GRIA4: variants seen among roughly 807,000 people sequenced by gnomAD.
GRIA4 encodes glutamate receptor 4.
Under a neutral mutation model 104.0 loss-of-function variants are expected in GRIA4, and 34 were observed. The ratio of observed to expected loss-of-function variants is 0.33; its 90% CI spans 0.25 to 0.44. The LOEUF is 0.44. GRIA4 is among the 20% of genes least tolerant of loss of function. The pLI is 1.00. For missense variants in GRIA4, 750 were observed against 1,096.5 expected (o/e 0.68, Z 4.46); for synonymous variants, 386 against 381.9 (o/e 1.01, Z -0.13).
At chr11:105,730,883 T>C (rs912575296) in intron 3 of GRIA4, among the ~76,000 whole-genome samples, 3 of 152,174 alleles carry the variant, frequency 2.0e-5, no homozygotes, top group Admixed American at 2.0e-4. Context: ...TAACTCAAGA[T>C]GGATTAAAAA....
At chr11:105,861,826 A>G (rs910474559) in intron 4 of GRIA4, among the ~76,000 whole-genome samples, 198 bp from the exon 5 acceptor site, 4 of 152,208 alleles carry the variant, frequency 2.6e-5, no homozygotes, top group African/African-American at 9.6e-5. Flanking sequence ...ACTTCATTCA[A>G]TCAACATTTT....
At chr11:105,705,288 T>C (rs1400964320) in intron 3 of GRIA4, among the ~76,000 whole-genome samples, 1 of 152,084 alleles carries the variant, frequency 6.6e-6, no homozygotes, top group Non-Finnish European at 1.5e-5. Flanking sequence ...GGAATCTAAA[T>C]GTAAAAAAGA....
intron 4 of GRIA4, among the ~76,000 whole-genome samples, chr11:105,804,343 C>T (rs1476298660): frequency 7.6e-6 from 1 of 131,436 alleles, no homozygotes; most frequent in African/African-American, 2.9e-5. Context: ...TTAAAACACA[C>T]AAACACACAT....
chr11:105,722,192 C>G (rs751921004), intron 3 of GRIA4, among the ~76,000 whole-genome samples: 6 of 152,006 alleles, frequency 3.9e-5, no homozygotes, highest in African/African-American at 7.2e-5. Context: ...ACAGACAGTC[C>G]CTGACTTTTT....
chr11:105,720,820 C>T (rs867736425), intron 3 of GRIA4, among the ~76,000 whole-genome samples: 6 of 152,244 alleles, frequency 3.9e-5, no homozygotes, highest in African/African-American at 1.4e-4. Context: ...AGGCTGCAGA[C>T]CAATTGGCTG....
intron 4 of GRIA4, among the ~76,000 whole-genome samples, chr11:105,842,505 T>C (rs1944430264): frequency 6.6e-6 from 1 of 152,144 alleles, no homozygotes; most frequent in Admixed American, 6.6e-5. Flanking sequence ...GAAGTTTCCA[T>C]GTATATGTTG....
In GRIA4 at chr11:105,926,819, C is replaced by T. The variant is rs372778452; in HGVS notation, c.1926C>T (p.Leu642=). The T allele has an allele frequency of 1.7e-4, 274 of 1,610,318 alleles. No individual in the cohort carries two copies. Among genetic ancestry groups the T allele is most frequent in the Non-Finnish European group, 2.2e-4 (263 of 1,176,884 alleles). ...LIIISSYTAN[L]AAFLTVERMV... is the part of the protein sequence containing the mutation. ...TTATATCATCTTATACTGCTAACCT[C>T]GCTGCTTTCCTGACGGTTGAGCGAA... Residue 642 remains leucine, a synonymous_variant, in exon 13 of 17, where the codon CTC becomes CTT. Transcript: ENST00000282499.
intron 4 of GRIA4, among the ~76,000 whole-genome samples, chr11:105,806,652 T>G (rs112516375): frequency 0.023 from 3,514 of 151,748 alleles, 52 homozygotes; most frequent in Middle Eastern, 0.037. Context: ...TGAAATGAAA[T>G]TTTGTATATT....
chr11:105,918,129 T>C (rs1256835535), intron 10 of GRIA4, among the ~76,000 whole-genome samples: 1 of 152,134 alleles, frequency 6.6e-6, no homozygotes, highest in Non-Finnish European at 1.5e-5. Context: ...CAAATAACTA[T>C]TTAAGAATTT....
At chr11:105,847,873 T>G (rs1472592150) in intron 4 of GRIA4, among the ~76,000 whole-genome samples, 7 of 152,210 alleles carry the variant, frequency 4.6e-5, no homozygotes, top group Non-Finnish European at 8.8e-5. Flanking sequence ...GATGGCCCTA[T>G]AGAATATTTG....
chr11:105,912,094 A>G (rs923947037), intron 10 of GRIA4: 17 of 1,108,836 alleles, frequency 1.5e-5, no homozygotes, highest in Non-Finnish European at 1.7e-5. Flanking sequence ...CAAAAGAAGA[A>G]TTAATCTTCA....
chr11:105,633,382 C>A (rs1420641638), intron 3 of GRIA4, among the ~76,000 whole-genome samples: 1 of 152,156 alleles, frequency 6.6e-6, no homozygotes, highest in African/African-American at 2.4e-5. Context: ...AGACTATGAG[C>A]TTCTTGAGGG....
At position 105,980,732 on chromosome 11, in the gene GRIA4, T is replaced by G. The variant is rs1859222128; in HGVS notation, c.*993T>G. 1 of 152,788 alleles carries G rather than the reference T, an allele frequency of 6.5e-6. No homozygotes were observed. Among genetic ancestry groups the G allele is most frequent in the African/African-American group, 2.4e-5 (1 of 41,586 alleles). The allele number at this position is 152,788 out of a possible 1,614,324, so 9.5% of individuals were successfully genotyped here. ...CAATATCTACAGAGCTTAAAAGTTT[T>G]TTCTTATCGTTATAAAAGTTATTTG... is the stretch of plus-strand genomic sequence containing the variant. On this transcript the variant is annotated 3_prime_UTR_variant, in exon 17 of 17. Coordinates refer to ENST00000282499, the MANE Select transcript of GRIA4 (RefSeq NM_000829.4).
intron 4 of GRIA4, among the ~76,000 whole-genome samples, chr11:105,794,367 C>G (rs1942356379): frequency 6.8e-6 from 1 of 147,956 alleles, no homozygotes. Context: ...ATTCACAGCT[C>G]TATCTCCAGC....
intron 3 of GRIA4, among the ~76,000 whole-genome samples, chr11:105,651,788 C>T (rs1951693515): frequency 6.6e-6 from 1 of 151,932 alleles, no homozygotes; most frequent in Non-Finnish European, 1.5e-5. Flanking sequence ...ATTCCCATAT[C>T]AGCTTAGATG....
chr11:105,678,125 T>C (rs1952599180), intron 3 of GRIA4, among the ~76,000 whole-genome samples: 1 of 152,068 alleles, frequency 6.6e-6, no homozygotes, highest in Non-Finnish European at 1.5e-5. Context: ...ATAAGGTTTT[T>C]TCAAGTATGC....
At chr11:105,879,726 T>C (rs1945976040) in intron 5 of GRIA4, among the ~76,000 whole-genome samples, 1 of 152,210 alleles carries the variant, frequency 6.6e-6, no homozygotes, top group African/African-American at 2.4e-5. Context: ...AGGAAAGAAT[T>C]GTGTCTTTGT....
chr11:105,923,398 G>C (rs759486556), intron 11 of GRIA4, among the ~76,000 whole-genome samples: 5 of 152,050 alleles, frequency 3.3e-5, no homozygotes, highest in Non-Finnish European at 7.4e-5. Flanking sequence ...TCCCAGAGCT[G>C]CCATGATATG....
At chr11:105,858,140 C>G (rs1373908872) in intron 4 of GRIA4, among the ~76,000 whole-genome samples, 2 of 151,958 alleles carry the variant, frequency 1.3e-5, no homozygotes, top group East Asian at 1.9e-4. Context: ...TATGAAAAAG[C>G]CCTTAATTAC....
Sources: gnomAD v4.1 joint callset for allele counts (sites outside exome capture counted in the v4.1 genomes callset) on GRCh38, gnomAD v4.1.1 for gene constraint, MANE v1.5 for transcripts, NCBI Gene and HGNC (gene_info 2026-07-23, HGNC 2026-07-21) for gene names.